Variants in ITPR1 observed in about 807,000 individuals in gnomAD.
ITPR1 encodes inositol 1,4,5-trisphosphate-gated calcium channel ITPR1.
Under a neutral mutation model 318.4 loss-of-function variants are expected in ITPR1, and 96 were observed. That is an observed-to-expected ratio of 0.30 (90% CI 0.26 to 0.36). The LOEUF (loss-of-function observed/expected upper bound fraction) is 0.36, where lower values mean the gene tolerates loss of function less well. ITPR1 is among the 10% of genes least tolerant of loss of function. The probability of loss-of-function intolerance (pLI) is 1.00; values close to 1 mark genes in which losing one functional copy is unlikely to be tolerated. For synonymous variants in ITPR1, 1,312 were observed against 1,289.9 expected (o/e 1.02, Z -0.37); for missense variants, 2,440 against 3,460.2 (o/e 0.71, Z 7.40).
chr3:4,535,127 C>G (rs1479667601), intron 4 of ITPR1, among the ~76,000 whole-genome samples: 2 of 149,766 alleles, frequency 1.3e-5, no homozygotes, highest in Admixed American at 1.3e-4. Context: ...GAATGCAGTC[C>G]CTTGATCTGG....
intron 12 of ITPR1, among the ~76,000 whole-genome samples, chr3:4,657,078 C>A (rs985789933): frequency 2.0e-5 from 3 of 152,194 alleles, no homozygotes; most frequent in African/African-American, 7.2e-5. Context: ...CAGCCAAATC[C>A]CTGATGTCTC....
At chr3:4,523,155 G>T (rs541451367) in intron 4 of ITPR1, among the ~76,000 whole-genome samples, 6 of 152,156 alleles carry the variant, frequency 3.9e-5, no homozygotes, top group African/African-American at 1.4e-4. Flanking sequence ...AGGGATATGC[G>T]TCCGGAAGGC....
chr3:4,708,676 T>C (rs1184670655), intron 37 of ITPR1, among the ~76,000 whole-genome samples: 1 of 151,474 alleles, frequency 6.6e-6, no homozygotes, highest in South Asian at 2.1e-4. Flanking sequence ...TGCATATTCT[T>C]GGGAAGTTAA....
intron 29 of ITPR1, 121 bp downstream of exon 29, chr3:4,684,467 G>T: frequency 1.4e-6 from 1 of 705,020 alleles, no homozygotes; most frequent in Non-Finnish European, 2.5e-6. Flanking sequence ...GGTTTAACAG[G>T]GAGAAAGTAG....
rs184018205 is a variant in ITPR1 at position 4,575,099 on chromosome 3, T to G, written c.164-52664T>G. 8.5e-5 allele frequency among the ~76,000 whole-genome samples: 13 copies of G among 152,360 alleles called. No homozygotes were observed. In the East Asian group the frequency reaches 2.3e-3, roughly 27 times the overall value. ...TTCTTGCAAATATGTTATATTTTAGTGAAAAAGACTTTCTTAGGAAAACAA... is the reference window on the plus strand; with the variant it reads ...TTCTTGCAAATATGTTATATTTTAGGGAAAAAGACTTTCTTAGGAAAACAA... On this transcript the variant is annotated intron_variant, in intron 4 of 61. Transcript: ENST00000649015.
At chr3:4,521,365 G>A (rs890023541) in intron 4 of ITPR1, among the ~76,000 whole-genome samples, 21 of 152,108 alleles carry the variant, frequency 1.4e-4, no homozygotes, top group Non-Finnish European at 2.6e-4. Flanking sequence ...CATTTGTACA[G>A]GTATTTCTTC....
At chr3:4,584,476 C>T (rs563461193) in intron 4 of ITPR1, among the ~76,000 whole-genome samples, 12 of 151,410 alleles carry the variant, frequency 7.9e-5, no homozygotes, top group East Asian at 7.8e-4. Context: ...AAGGTGGGAA[C>T]GGGGAAGCGG....
At chr3:4,624,670 CAAAAAAAAAAAAAA>C (rs1161664837) in intron 4 of ITPR1, among the ~76,000 whole-genome samples, 4 of 72,506 alleles carry the variant, frequency 5.5e-5, no homozygotes, top group African/African-American at 1.3e-4. Context: ...GCTCTGTCTC[CAAAAAAAAAAAAAA>C]AAAAAAAAAG....
At chr3:4,623,055 G>A (rs755903680) in intron 4 of ITPR1, among the ~76,000 whole-genome samples, 4 of 152,150 alleles carry the variant, frequency 2.6e-5, no homozygotes, top group Admixed American at 1.3e-4. Context: ...TCTGAAGGTC[G>A]GCTGACTTTT....
At chr3:4,725,741 G>A (rs140127734) in intron 41 of ITPR1, among the ~76,000 whole-genome samples, 160 bp downstream of exon 41, 9 of 152,268 alleles carry the variant, frequency 5.9e-5, no homozygotes, top group Non-Finnish European at 1.3e-4. Flanking sequence ...CATTGCTGAC[G>A]TGGATGTGGC....
chr3:4,597,714 G>C (rs941125506), intron 4 of ITPR1, among the ~76,000 whole-genome samples: 1 of 152,202 alleles, frequency 6.6e-6, no homozygotes, highest in Non-Finnish European at 1.5e-5. Flanking sequence ...TTTGGCTAGA[G>C]GTAAAGTCCA....
chr3:4,496,417 T>C (rs1238953559), intron 2 of ITPR1, among the ~76,000 whole-genome samples: 1 of 152,214 alleles, frequency 6.6e-6, no homozygotes, highest in Non-Finnish European at 1.5e-5. Flanking sequence ...ATATCATTCT[T>C]ATCAGGCAGG....
chr3:4,497,714 A>G (rs572655900), intron 2 of ITPR1, among the ~76,000 whole-genome samples: 1 of 152,358 alleles, frequency 6.6e-6, no homozygotes, highest in African/African-American at 2.4e-5. Flanking sequence ...CAAGGTATAT[A>G]CTTTAAAAAA....
At chr3:4,732,976 G>C (rs574590600) in intron 42 of ITPR1, 112 bp from the exon 43 acceptor site, 8 of 1,033,608 alleles carry the variant, frequency 7.7e-6, no homozygotes, top group Non-Finnish European at 1.2e-5. Context: ...TTATTCTTTC[G>C]CCAAGTGAAA....
intron 44 of ITPR1, among the ~76,000 whole-genome samples, chr3:4,758,755 G>A (rs1261985749): frequency 5.3e-5 from 8 of 152,138 alleles, no homozygotes; most frequent in Non-Finnish European, 8.8e-5. Flanking sequence ...ACTGGAAGTC[G>A]GGAAACCTAA....
intron 24 of ITPR1, among the ~76,000 whole-genome samples, chr3:4,678,975 G>T (rs1216925350): frequency 6.6e-6 from 1 of 152,172 alleles, no homozygotes; most frequent in Non-Finnish European, 1.5e-5. Context: ...GTCTTCAAGC[G>T]GGAGCTTAAC....
At chr3:4,654,465 G>C (rs1272201748) in intron 12 of ITPR1, among the ~76,000 whole-genome samples, 3 of 152,204 alleles carry the variant, frequency 2.0e-5, no homozygotes, top group African/African-American at 7.2e-5. Flanking sequence ...ATATCGCCAA[G>C]TAATGCTGAT....
At chr3:4,628,714 G>A (rs2092919869) in intron 5 of ITPR1, among the ~76,000 whole-genome samples, 1 of 152,172 alleles carries the variant, frequency 6.6e-6, no homozygotes, top group Admixed American at 6.5e-5. Context: ...GAGGGCCCAG[G>A]TCTGTGTCAG....
intron 4 of ITPR1, among the ~76,000 whole-genome samples, chr3:4,546,871 A>T (rs566480163): frequency 6.7e-6 from 1 of 148,568 alleles, no homozygotes; most frequent in Admixed American, 6.8e-5. Context: ...GGCTCATAAG[A>T]TAGGACCAGG....
Sources: allele counts gnomAD v4.1 joint callset (sites outside exome capture counted in the v4.1 genomes callset), GRCh38; gene constraint gnomAD v4.1.1; transcripts MANE v1.5; gene names NCBI Gene and HGNC (gene_info 2026-07-23, HGNC 2026-07-21).